HPSE2: variants seen among roughly 807,000 people sequenced by gnomAD.
HPSE2 encodes the protein inactive heparanase-2.
A neutral mutation model predicts 60.5 loss-of-function variants in HPSE2; 38 were observed. The observed-to-expected ratio is 0.63, with a 90% CI of 0.48 to 0.82. HPSE2 has a LOEUF of 0.82. HPSE2 is among the 40% of genes least tolerant of loss of function. The pLI is 0.00. For synonymous variants in HPSE2, 295 were observed against 293.2 expected, an observed-to-expected ratio of 1.01 and a Z score of -0.06; for missense variants, 713 against 740.4, an observed-to-expected ratio of 0.96 and a Z score of 0.43.
intron 3 of HPSE2, among the ~76,000 whole-genome samples, chr10:99,066,768 C>G (rs1842631327): frequency 6.6e-6 from 1 of 152,056 alleles, no homozygotes; most frequent in African/African-American, 2.4e-5. Flanking sequence ...ATCATTCTGC[C>G]TCTGCCCCCC....
chr10:98,869,677 T>C (rs1387875046), intron 3 of HPSE2, among the ~76,000 whole-genome samples: 1 of 152,174 alleles, frequency 6.6e-6, no homozygotes, highest in Non-Finnish European at 1.5e-5. Context: ...CAGAAAGTAG[T>C]GCCCAGGGAG....
At chr10:98,991,259 G>C (rs774253993) in intron 3 of HPSE2, among the ~76,000 whole-genome samples, 5 of 152,188 alleles carry the variant, frequency 3.3e-5, no homozygotes, top group Admixed American at 6.5e-5. Flanking sequence ...GTTAGAAAGT[G>C]CTGAGGTCAG....
At chr10:98,567,629 C>T (rs1043744307) in intron 9 of HPSE2, among the ~76,000 whole-genome samples, 2 of 152,158 alleles carry the variant, frequency 1.3e-5, no homozygotes, top group Non-Finnish European at 2.9e-5. Flanking sequence ...TCACCTCCAG[C>T]TGACAGACCA....
chr10:98,724,239 G>C (rs1949008291), intron 4 of HPSE2, among the ~76,000 whole-genome samples: 1 of 152,104 alleles, frequency 6.6e-6, no homozygotes, highest in African/African-American at 2.4e-5. Context: ...AGTCATTCAG[G>C]AGCAGGTTGT....
At chr10:99,042,055 A>C (rs1406728223) in intron 3 of HPSE2, among the ~76,000 whole-genome samples, 1 of 151,632 alleles carries the variant, frequency 6.6e-6, no homozygotes, top group Admixed American at 6.6e-5. Context: ...TAGCCACCAC[A>C]CTCCCACCTG....
chr10:98,972,428 G>T (rs2135271439), intron 3 of HPSE2, among the ~76,000 whole-genome samples: 1 of 152,038 alleles, frequency 6.6e-6, no homozygotes, highest in South Asian at 2.1e-4. Flanking sequence ...GTGCTTTATT[G>T]GTTGAAATTT....
intron 5 of HPSE2, among the ~76,000 whole-genome samples, chr10:98,714,249 T>C (rs1266970224): frequency 6.6e-6 from 1 of 151,946 alleles, no homozygotes; most frequent in Admixed American, 6.6e-5. Context: ...CTCAGAGAAG[T>C]GTTCAATTCA....
intron 9 of HPSE2, among the ~76,000 whole-genome samples, chr10:98,561,626 T>A (rs556856376): frequency 3.0e-4 from 45 of 152,246 alleles, no homozygotes; most frequent in African/African-American, 1.1e-3. Context: ...GGCAGGCAGA[T>A]CACCTGAGGT....
Position 98,721,796 on chromosome 10 carries a change from C to T in HPSE2, c.817G>A (p.Ala273Thr), listed in dbSNP as rs1175821626. Residue 273 changes from alanine to threonine, a missense_variant, in exon 5 of 12, where the codon GCA becomes ACA. Ala to Thr is a moderately conservative substitution (Grantham distance 58). Transcript: ENST00000370552. ...PNNYRTMHGR[A>T]VNGSQLGKDY... is the part of the protein sequence containing the mutation. ...TTTCCCAACTGGCTGCCATTTACTG[C>T]CCGGCCATGCATGGTCCGATAGTTA... 2 of 1,613,536 alleles carry T rather than the reference C, an allele frequency of 1.2e-6. No homozygotes were observed. Among genetic ancestry groups the T allele is most frequent in the Admixed American group, 1.7e-5 (1 of 59,922 alleles).
At chr10:98,547,958 T>A (rs11189671) in intron 9 of HPSE2, among the ~76,000 whole-genome samples, 68,828 of 151,938 alleles carry the variant, frequency 0.45, 18,641 homozygotes, top group South Asian at 0.59. Context: ...GCAAGAGGTC[T>A]CTTCTTCTAC....
At chr10:99,231,891 A>G (rs1198464994) in intron 2 of HPSE2, among the ~76,000 whole-genome samples, 1 of 152,188 alleles carries the variant, frequency 6.6e-6, no homozygotes, top group Non-Finnish European at 1.5e-5. Flanking sequence ...ACAGAAAGGC[A>G]CTTTGCCTAG....
intron 3 of HPSE2, among the ~76,000 whole-genome samples, chr10:98,818,047 C>T (rs1324123887): frequency 6.6e-6 from 1 of 152,204 alleles, no homozygotes; most frequent in Non-Finnish European, 1.5e-5. Flanking sequence ...AGTTGGCCCT[C>T]CATATATGCA....
intron 4 of HPSE2, among the ~76,000 whole-genome samples, chr10:98,737,831 C>T (rs570584395): frequency 1.3e-5 from 2 of 152,186 alleles, no homozygotes; most frequent in East Asian, 1.9e-4. Context: ...AGAGAGGACA[C>T]AAACAAGTGG....
intron 9 of HPSE2, among the ~76,000 whole-genome samples, chr10:98,533,169 T>G (rs1943181987): frequency 6.6e-6 from 1 of 152,200 alleles, no homozygotes; most frequent in South Asian, 2.1e-4. Flanking sequence ...GCTACAAAGC[T>G]GGATGCATTC....
At chr10:99,311,765 T>A in the HPSE2 span, among the ~76,000 whole-genome samples, 1 of 152,170 alleles carries the variant, frequency 6.6e-6, no homozygotes, top group Non-Finnish European at 1.5e-5. Flanking sequence ...CTAGAAATAA[T>A]TAAGCTTAGT....
Position 98,542,699 on chromosome 10 carries a change from G to A in HPSE2, c.1321-52503C>T, listed in dbSNP as rs879252016. ...GAAGAATGCAGAAGCCTCAGGAGCC[G>A]ATGCGATCAACTGGAAGAAAGGGTA... On this transcript the variant is annotated intron_variant, in intron 9 of 11. Coordinates refer to ENST00000370552, the MANE Select transcript of HPSE2 (RefSeq NM_021828.5). Among the ~76,000 whole-genome samples, 34 of 150,028 alleles carry A rather than the reference G, an allele frequency of 2.3e-4. No individual in the cohort carries two copies. The South Asian group carries it at 3.4e-3, about 15-fold the overall frequency.
chr10:99,200,573 CT>C (rs1279868565), intron 2 of HPSE2, among the ~76,000 whole-genome samples: 21 of 152,068 alleles, frequency 1.4e-4, no homozygotes, highest in African/African-American at 4.8e-4. Flanking sequence ...TGGTACCTAC[CT>C]CATAAGATGG....
intron 4 of HPSE2, among the ~76,000 whole-genome samples, chr10:98,732,195 ATGGTAATTC>A: frequency 6.6e-6 from 1 of 152,168 alleles, no homozygotes; most frequent in Non-Finnish European, 1.5e-5. Flanking sequence ...TATTGTTAAG[ATGGTAATTC>A]TCCCTAAATT....
intron 6 of HPSE2, among the ~76,000 whole-genome samples, chr10:98,664,799 T>A (rs554891529): frequency 1.3e-5 from 2 of 152,304 alleles, no homozygotes; most frequent in South Asian, 2.1e-4. Context: ...CAACTGACTA[T>A]ACTCATCTTA....
Sources: gnomAD v4.1 joint callset for allele counts (sites outside exome capture counted in the v4.1 genomes callset) on GRCh38, gnomAD v4.1.1 for gene constraint, MANE v1.5 for transcripts, NCBI Gene and HGNC (gene_info 2026-07-23, HGNC 2026-07-21) for gene names.